EML6: variants seen among roughly 807,000 people sequenced by gnomAD.
EML6 encodes the protein EMAP like 6, also known as echinoderm microtubule-associated protein-like 6.
A neutral mutation model predicts 240.1 loss-of-function variants in EML6; 154 were observed. The ratio of observed to expected loss-of-function variants is 0.64; its 90% confidence interval spans 0.56 to 0.73. The LOEUF is 0.73. EML6 is among the 30% of genes least tolerant of loss of function. EML6 has a pLI of 0.00. For synonymous variants in EML6, 1,148 were observed against 899.0 expected, an observed-to-expected ratio of 1.28 and a Z score of -4.95; for missense variants, 2,964 against 2,474.6, an observed-to-expected ratio of 1.20 and a Z score of -4.20.
intron 2 of EML6, among the ~76,000 whole-genome samples, chr2:54,750,434 C>CCA (rs1684108903): frequency 6.6e-6 from 1 of 152,154 alleles, no homozygotes; most frequent in Non-Finnish European, 1.5e-5. Context: ...TGTTTAGAGA[C>CCA]TTTCAGTTCA....
At chr2:54,920,070 A>G (rs577026364) in intron 26 of EML6, among the ~76,000 whole-genome samples, 1 of 152,352 alleles carries the variant, frequency 6.6e-6, no homozygotes, top group Non-Finnish European at 1.5e-5. Context: ...TAGAATTAAG[A>G]AAGAAAAATA....
In EML6 at chr2:54,816,840, G is replaced by A. The variant is rs1553385573; in HGVS notation, c.411G>A (p.Trp137Ter). 1.3e-6 allele frequency: 2 copies of A among 1,551,574 alleles called. No homozygotes were observed. Among genetic ancestry groups the A allele is most frequent in the Non-Finnish European group, 1.7e-6 (2 of 1,146,888 alleles). Residue 137 changes from tryptophan (W) to a stop codon, truncating the protein, a stop_gained, in exon 4 of 42, where the codon TGG becomes TGA. Coordinates refer to ENST00000356458, the MANE Select transcript of EML6 (RefSeq NM_001039753.4). LOFTEE classifies it high-confidence loss of function. ...DAKNTVCIWD[W>*]RKGKLLASAT... ...AAAACACAGTCTGCATTTGGGACTG[G>A]AGGAAGGGAAAACTTCTGGCGTCAG...
chr2:54,873,807 G>A (rs916292427), intron 16 of EML6, among the ~76,000 whole-genome samples: 4 of 143,752 alleles, frequency 2.8e-5, no homozygotes, highest in African/African-American at 1.0e-4. Context: ...CATTCTTTTG[G>A]CAGCACTGAA....
At position 54,964,748 on chromosome 2, in the gene EML6, T is replaced by A. The variant is rs1676675814; in HGVS notation, c.5493+15T>A. On this transcript the variant is annotated intron_variant, in intron 38 of 41. Transcript: ENST00000356458. ...AATACATTCAGGTATGCTTGGGGTT[T>A]ACTTATATCTGGGGCAACCAATAAT... 6.4e-7 allele frequency: 1 copy of A among 1,551,302 alleles called. No homozygotes were observed. Among genetic ancestry groups the A allele is most frequent in the South Asian group, 1.2e-5 (1 of 84,026 alleles).
chr2:54,724,109 C>T lies in EML6; in HGVS notation c.-514+332C>T, dbSNP rs1288774836. On this transcript the variant is annotated intron_variant, in intron 1 of 41. Transcript: ENST00000356458. This position sits in a 1 kb window ranked among gnomAD's most constrained non-coding sequence, Gnocchi z 5.2. ...CTCGACCAGGAGCGTTTGTAGGTAGCGCACTCCCTCCGACTGCACTAGTGC... is the reference window on the plus strand; with the variant it reads ...CTCGACCAGGAGCGTTTGTAGGTAGTGCACTCCCTCCGACTGCACTAGTGC... 6.6e-6 allele frequency among the ~76,000 whole-genome samples: 1 copy of T among 152,170 alleles called. No individual in the cohort carries two copies. Among genetic ancestry groups the T allele is most frequent in the Non-Finnish European group, 1.5e-5 (1 of 68,042 alleles).
At chr2:54,787,057 C>G (rs2103878201) in intron 2 of EML6, among the ~76,000 whole-genome samples, 1 of 152,188 alleles carries the variant, frequency 6.6e-6, no homozygotes, top group South Asian at 2.1e-4. Context: ...AAGATGAGTG[C>G]CTCAGGTGTG....
chr2:54,811,372 G>A (rs1183330111), intron 2 of EML6, among the ~76,000 whole-genome samples: 1 of 152,164 alleles, frequency 6.6e-6, no homozygotes, highest in Non-Finnish European at 1.5e-5. Context: ...AACTGTGGAG[G>A]ACATTGTCTT....
chr2:54,931,426 G>C (rs1674859009), intron 28 of EML6, among the ~76,000 whole-genome samples: 1 of 152,114 alleles, frequency 6.6e-6, no homozygotes, highest in African/African-American at 2.4e-5. Flanking sequence ...ATGGACTCTA[G>C]CATCCTGGAA....
chr2:54,854,589 C>T (rs1006551454), intron 11 of EML6, among the ~76,000 whole-genome samples: 4 of 152,232 alleles, frequency 2.6e-5, no homozygotes, highest in Admixed American at 6.5e-5. Flanking sequence ...GGACATGCTA[C>T]TGCCTGAAAA....
intron 4 of EML6, among the ~76,000 whole-genome samples, chr2:54,819,073 A>G (rs928599196): frequency 1.3e-5 from 2 of 152,236 alleles, no homozygotes; most frequent in African/African-American, 4.8e-5. Flanking sequence ...AGATGCTCAG[A>G]CTTGCCTGAG....
chr2:54,954,818 C>T (rs548297958), intron 32 of EML6, among the ~76,000 whole-genome samples: 5 of 152,174 alleles, frequency 3.3e-5, no homozygotes, highest in Non-Finnish European at 5.9e-5. Flanking sequence ...GGGTACTGCC[C>T]TGGCAAGAGC....
chr2:54,725,039 G>C lies in EML6; in HGVS notation c.-23G>C. ...ACGGCCCCGGCGCGCGGGGGGGCGG[G>C]GGGCGCGCGGGGTCGGCTTATCATG... is the stretch of plus-strand genomic sequence containing the variant. On this transcript the variant is annotated 5_prime_UTR_variant, in exon 2 of 42. Coordinates refer to ENST00000356458, the MANE Select transcript of EML6 (RefSeq NM_001039753.4). The surrounding 1 kb of genome is among the most constrained non-coding windows in gnomAD (Gnocchi z 4.3). The C allele has an allele frequency of 4.7e-6, 7 of 1,492,158 alleles. No homozygotes were observed. Among genetic ancestry groups the C allele is most frequent in the Non-Finnish European group, 6.2e-6 (7 of 1,121,450 alleles). The allele number at this position is 1,492,158 out of a possible 1,614,324, so 92.4% of individuals were successfully genotyped here.
In EML6 at chr2:54,736,575, C is replaced by T. The variant is rs536395414; in HGVS notation, c.197+11317C>T. 1.3e-4 allele frequency among the ~76,000 whole-genome samples: 20 copies of T among 152,356 alleles called. No homozygotes were observed. In the East Asian group the frequency reaches 3.5e-3, roughly 26 times the overall value. ...TCTTTATCTCTCATTCACTTTTCAA[C>T]ATAGTGAACTGGTTTCTACTTCCGC... is the stretch of plus-strand genomic sequence containing the variant. On this transcript the variant is annotated intron_variant, in intron 2 of 41. Transcript: ENST00000356458.
intron 21 of EML6, among the ~76,000 whole-genome samples, chr2:54,897,618 G>A (rs972097565): frequency 3.3e-5 from 5 of 152,152 alleles, no homozygotes; most frequent in African/African-American, 1.2e-4. Context: ...CTATGGGGTG[G>A]CTGGTTGAGC....
At chr2:54,800,970 T>C (rs1281184104) in intron 2 of EML6, among the ~76,000 whole-genome samples, 1 of 152,064 alleles carries the variant, frequency 6.6e-6, no homozygotes, top group Non-Finnish European at 1.5e-5. Flanking sequence ...TTACCCTTCA[T>C]GTTATCTGTT....
intron 2 of EML6, among the ~76,000 whole-genome samples, chr2:54,790,973 C>T (rs955535567): frequency 2.0e-5 from 3 of 152,130 alleles, no homozygotes; most frequent in Non-Finnish European, 4.4e-5. Flanking sequence ...GATCCGCCCG[C>T]CTCGGCCTCC....
Position 54,954,072 on chromosome 2 carries a change from A to G in EML6, c.4402A>G (p.Ile1468Val), listed in dbSNP as rs1391164171. 13 of 1,551,152 alleles carry G rather than the reference A, an allele frequency of 8.4e-6. No individual in the cohort carries two copies. Among genetic ancestry groups the G allele is most frequent in the South Asian group, 2.4e-5 (2 of 83,986 alleles). ...CTTCCACTCCAAGGGGGTGAATTAC[A>G]TCAACTTCAGTGCAACTGGAAAGCT... is the stretch of plus-strand genomic sequence containing the variant. The part of the protein sequence containing the change: ...RCFHSKGVNY[I>V]NFSATGKLLV... The change falls in exon 32 of 42, where the codon ATC becomes GTC. Residue 1468 changes from isoleucine (I) to valine (V), a missense_variant. Physicochemically the swap from Ile to Val is conservative, Grantham distance 29 (BLOSUM62 3). Transcript: ENST00000356458.
At chr2:54,738,540 A>G (rs936926867) in intron 2 of EML6, among the ~76,000 whole-genome samples, 1 of 152,164 alleles carries the variant, frequency 6.6e-6, no homozygotes, top group Non-Finnish European at 1.5e-5. Flanking sequence ...TACCATCCAT[A>G]CCACAGACAG....
rs531649080 is a variant in EML6 at position 54,861,840 on chromosome 2, T to G, written c.1826-1943T>G. Among the ~76,000 whole-genome samples, 6 of 151,438 alleles carry G rather than the reference T, an allele frequency of 4.0e-5. No individual in the cohort carries two copies. The South Asian group carries it at 6.3e-4, about 16-fold the overall frequency. On this transcript the variant is annotated intron_variant, in intron 12 of 41. Transcript: ENST00000356458. ...GTCAGTGACAATGAAGAAATGAAAT[T>G]CCAGATAAACGAGCAAGACATCTCC...
Sources: allele counts gnomAD v4.1 joint callset (sites outside exome capture counted in the v4.1 genomes callset), GRCh38; gene constraint gnomAD v4.1.1; non-coding constraint Gnocchi (gnomAD v3.1); transcripts MANE v1.5; gene names NCBI Gene and HGNC (gene_info 2026-07-23, HGNC 2026-07-21).